The following ELP4 variants were observed in gnomAD, a reference collection of about 807,000 sequenced individuals.
ELP4 encodes the protein elongator complex protein 4.
A neutral mutation model predicts 48.9 loss-of-function variants in ELP4; 51 were observed. The observed-to-expected ratio is 1.04, with a 90% CI of 0.83 to 1.32. The LOEUF (loss-of-function observed/expected upper bound fraction) is 1.32. ELP4 is among the 40% of genes most tolerant of loss of function. The pLI, the probability that ELP4 is intolerant of heterozygous loss-of-function variation, is 0.00. For synonymous variants in ELP4, 210 were observed against 189.2 expected, an observed-to-expected ratio of 1.11 and a Z score of -0.90; for missense variants, 519 against 514.6, an observed-to-expected ratio of 1.01 and a Z score of -0.08.
At chr11:31,720,350 C>T (rs1391413817) in intron 9 of ELP4, among the ~76,000 whole-genome samples, 1 of 151,920 alleles carries the variant, frequency 6.6e-6, no homozygotes, top group Non-Finnish European at 1.5e-5. Flanking sequence ...TCCCTGTTTA[C>T]ATTATTCATG....
chr11:31,666,957 G>A (rs963831373), intron 9 of ELP4, among the ~76,000 whole-genome samples: 1 of 152,186 alleles, frequency 6.6e-6, no homozygotes, highest in Non-Finnish European at 1.5e-5. Context: ...GTGTTAGTAT[G>A]TGGAGGATTT....
chr11:31,538,562 G>A (rs1956541509), intron 2 of ELP4, among the ~76,000 whole-genome samples: 1 of 151,024 alleles, frequency 6.6e-6, no homozygotes, highest in African/African-American at 2.4e-5. Flanking sequence ...CAGAAGAAAA[G>A]CATTGCATCT....
At chr11:31,611,078 C>T (rs916648128) in intron 5 of ELP4, among the ~76,000 whole-genome samples, 6 of 152,162 alleles carry the variant, frequency 3.9e-5, no homozygotes, top group Non-Finnish European at 7.3e-5. Flanking sequence ...GGGATAGCCT[C>T]GTAATTGGTC....
intron 3 of ELP4, among the ~76,000 whole-genome samples, chr11:31,543,671 C>T (rs938739664): frequency 6.6e-6 from 1 of 152,098 alleles, no homozygotes; most frequent in Admixed American, 6.6e-5. Flanking sequence ...GTGATAAAGA[C>T]AAAATCTTGA....
chr11:31,537,910 A>G (rs1051367370), intron 2 of ELP4, among the ~76,000 whole-genome samples: 2 of 152,180 alleles, frequency 1.3e-5, no homozygotes, highest in African/African-American at 2.4e-5. Flanking sequence ...AGTTTCTCCA[A>G]AAAGCTTACT....
At chr11:31,646,101 G>GAGT (rs1177417211) in intron 7 of ELP4, 2 of 151,704 alleles carry the variant, frequency 1.3e-5, no homozygotes, top group Non-Finnish European at 2.9e-5. Flanking sequence ...GTTATTCCTG[G>GAGT]AGTAGGACCA....
At chr11:31,609,497 A>T (rs1480913191) in intron 5 of ELP4, among the ~76,000 whole-genome samples, 1 of 152,060 alleles carries the variant, frequency 6.6e-6, no homozygotes, top group Non-Finnish European at 1.5e-5. Context: ...CGGGAAAGAA[A>T]TTCAGCAGGG....
chr11:31,565,556 T>C (rs1234044419), intron 3 of ELP4, among the ~76,000 whole-genome samples: 1 of 146,708 alleles, frequency 6.8e-6, no homozygotes, highest in Non-Finnish European at 1.5e-5. Flanking sequence ...TTGTATAAGG[T>C]GTAAGGAAGG....
At chr11:31,647,615 A>T in intron 7 of ELP4, 126 bp from the exon 8 acceptor site, 2 of 597,336 alleles carry the variant, frequency 3.3e-6, no homozygotes, top group South Asian at 2.3e-5. Context: ...TTTAACTTTT[A>T]AGTTATTTCA....
intron 1 of ELP4, among the ~76,000 whole-genome samples, chr11:31,513,691 G>C (rs1285324725): frequency 6.6e-6 from 1 of 152,064 alleles, no homozygotes; most frequent in African/African-American, 2.4e-5. Context: ...GTTTCTATTG[G>C]GGAGAGTATG....
At chr11:31,687,969 C>T (rs1946197555) in intron 9 of ELP4, among the ~76,000 whole-genome samples, 1 of 152,088 alleles carries the variant, frequency 6.6e-6, no homozygotes, top group Non-Finnish European at 1.5e-5. Context: ...TGTAAAATCA[C>T]GATTGAATAA....
At chr11:31,753,067 A>G (rs1474126673) in intron 9 of ELP4, among the ~76,000 whole-genome samples, 2 of 152,196 alleles carry the variant, frequency 1.3e-5, no homozygotes, top group Non-Finnish European at 2.9e-5. Flanking sequence ...TTGCAAGTGC[A>G]TAAGTATGAG....
At chr11:31,709,833 A>G (rs1280537012) in intron 9 of ELP4, among the ~76,000 whole-genome samples, 2 of 152,226 alleles carry the variant, frequency 1.3e-5, no homozygotes. Flanking sequence ...AAGATTTACA[A>G]TCACAATGTG....
intron 3 of ELP4, among the ~76,000 whole-genome samples, chr11:31,575,709 G>A (rs191166267): frequency 0.019 from 2,947 of 152,284 alleles, 58 homozygotes; most frequent in Admixed American, 0.057. Context: ...AAGTGAAGGA[G>A]AAATAAAATC....
intron 2 of ELP4, among the ~76,000 whole-genome samples, chr11:31,527,467 C>G (rs1956315211): frequency 6.6e-6 from 1 of 152,044 alleles, no homozygotes. Flanking sequence ...CTTCCAAATT[C>G]TGCTCCATTC....
At chr11:31,624,991 A>G (rs981013005) in intron 5 of ELP4, among the ~76,000 whole-genome samples, 3 of 150,530 alleles carry the variant, frequency 2.0e-5, no homozygotes, top group African/African-American at 7.3e-5. Flanking sequence ...CTCCTGAAGG[A>G]CCTGGTCACC....
intron 7 of ELP4, 108 bp downstream of exon 7, chr11:31,632,513 G>C (rs1385377105): frequency 2.4e-6 from 2 of 839,046 alleles, no homozygotes; most frequent in African/African-American, 3.5e-5. Flanking sequence ...CATCTTTTCA[G>C]GTGCTTTCTG....
chr11:31,547,877 G>C (rs1468124396), intron 3 of ELP4, among the ~76,000 whole-genome samples: 5 of 152,036 alleles, frequency 3.3e-5, no homozygotes, highest in Non-Finnish European at 5.9e-5. Flanking sequence ...CAGAACCAAA[G>C]ACAAAAACCA....
intron 9 of ELP4, chr11:31,767,273 A>C (rs900792814): frequency 6.6e-6 from 1 of 152,064 alleles, no homozygotes; most frequent in Non-Finnish European, 1.5e-5. Flanking sequence ...CAGGGTTTCT[A>C]CTTGACCAGA....
Sources: gnomAD v4.1 joint callset for allele counts (sites outside exome capture counted in the v4.1 genomes callset) on GRCh38, gnomAD v4.1.1 for gene constraint, MANE v1.5 for transcripts, NCBI Gene and HGNC (gene_info 2026-07-23, HGNC 2026-07-21) for gene names.